GRIA4: variants seen among roughly 807,000 people sequenced by gnomAD.
The protein encoded by GRIA4 is glutamate receptor 4.
Under a neutral mutation model 104.0 loss-of-function variants are expected in GRIA4, and 34 were observed. The observed-to-expected ratio is 0.33, with a 90% confidence interval of 0.25 to 0.44. The LOEUF (loss-of-function observed/expected upper bound fraction) is 0.44, where lower values mean the gene tolerates loss of function less well. GRIA4 is among the 20% of genes least tolerant of loss of function. GRIA4 has a pLI of 1.00. For synonymous variants in GRIA4, 386 were observed against 381.9 expected (o/e 1.01, Z -0.13); for missense variants, 750 against 1,096.5 (o/e 0.68, Z 4.46).
intron 3 of GRIA4, among the ~76,000 whole-genome samples, chr11:105,719,102 C>A (rs898997779): frequency 6.6e-6 from 1 of 152,058 alleles, no homozygotes; most frequent in Admixed American, 6.6e-5. Flanking sequence ...GTGTTGATTT[C>A]TAGAATGGAC....
intron 4 of GRIA4, among the ~76,000 whole-genome samples, chr11:105,804,800 T>G (rs974020304): frequency 1.3e-5 from 2 of 152,016 alleles, no homozygotes; most frequent in Admixed American, 6.6e-5. Flanking sequence ...AAACTATTTC[T>G]GTATGAAAGC....
intron 3 of GRIA4, among the ~76,000 whole-genome samples, chr11:105,649,262 A>G (rs958505373): frequency 2.0e-4 from 30 of 152,304 alleles, no homozygotes; most frequent in Middle Eastern, 3.4e-3. Flanking sequence ...TAAAGGTATA[A>G]TATATTTTAA....
At chr11:105,901,629 C>A (rs1014953551) in intron 7 of GRIA4, among the ~76,000 whole-genome samples, 2 of 152,024 alleles carry the variant, frequency 1.3e-5, no homozygotes, top group African/African-American at 4.8e-5. Context: ...TTTTTCTTTC[C>A]GTCTATCAGC....
rs1859235290 is a variant in GRIA4 at position 105,981,166 on chromosome 11, G to T, written c.*1427G>T. The T allele has an allele frequency of 6.6e-6, 1 of 152,564 alleles. No homozygotes were observed. The highest frequency in any genetic ancestry group is 2.1e-4 in the South Asian group (1 of 4,834). 9.5% of individuals were successfully genotyped at this position (152,564 alleles called of 1,614,324 possible). A position where few individuals can be genotyped will look rare whatever the true frequency, so the allele number is the denominator to read the frequency against. On this transcript the variant is annotated 3_prime_UTR_variant, in exon 17 of 17. Transcript: ENST00000282499. ...TATTTATAAAAATCACCTTATGTATGAATTAAACTAACATGGTTCAAAAGA... is the reference window on the plus strand; with the variant it reads ...TATTTATAAAAATCACCTTATGTATTAATTAAACTAACATGGTTCAAAAGA...
intron 4 of GRIA4, among the ~76,000 whole-genome samples, chr11:105,793,310 T>C (rs1264657701): frequency 2.6e-5 from 4 of 152,080 alleles, no homozygotes; most frequent in African/African-American, 7.2e-5. Context: ...ACAGGGATAC[T>C]ACACAGACCC....
chr11:105,762,887 G>A (rs1255295862), intron 4 of GRIA4, among the ~76,000 whole-genome samples: 1 of 152,148 alleles, frequency 6.6e-6, no homozygotes, highest in Non-Finnish European at 1.5e-5. Flanking sequence ...AGCAGCGTGA[G>A]AACAGGCTAA....
chr11:105,622,913 C>G (rs565102003), intron 3 of GRIA4, among the ~76,000 whole-genome samples: 2 of 151,736 alleles, frequency 1.3e-5, no homozygotes, highest in Admixed American at 1.3e-4. Flanking sequence ...TTGCTTAGCT[C>G]CCACTTATAA....
chr11:105,613,712 T>A lies in GRIA4; in HGVS notation c.247+1278T>A, dbSNP rs184313477. ...GATAAAATTTTCTTAATTTTTGGTG[T>A]CTCTTTAACCGTTAATTCTTTTTAG... is the stretch of plus-strand genomic sequence containing the variant. On this transcript the variant is annotated intron_variant, in intron 3 of 16. Coordinates refer to ENST00000282499, the MANE Select transcript of GRIA4 (RefSeq NM_000829.4). 197 of 152,240 alleles carry A rather than the reference T, an allele frequency of 1.3e-3. 1 individual carries two copies. The highest frequency in any genetic ancestry group is 4.6e-3 in the African/African-American group (191 of 41,572). 9.4% of individuals were successfully genotyped at this position (152,240 alleles called of 1,614,324 possible).
At chr11:105,866,340 A>G (rs1225728545) in intron 5 of GRIA4, among the ~76,000 whole-genome samples, 1 of 151,864 alleles carries the variant, frequency 6.6e-6, no homozygotes, top group Non-Finnish European at 1.5e-5. Context: ...TACCTTGAAA[A>G]GAAGCGTGTA....
intron 6 of GRIA4, 84 bp downstream of exon 6, chr11:105,887,656 A>C: frequency 1.4e-6 from 1 of 727,590 alleles, no homozygotes; most frequent in Admixed American, 2.2e-5. Flanking sequence ...TAATGCTTCA[A>C]TAAATAGAGT....
At chr11:105,905,174 G>A (rs375697154) in intron 8 of GRIA4, 23 bp from the exon 9 acceptor site, 38 of 1,283,378 alleles carry the variant, frequency 3.0e-5, no homozygotes, top group South Asian at 1.7e-4. Flanking sequence ...AAGTGAACAC[G>A]TGTGGTTTTC....
At chr11:105,738,932 A>C (rs1167800701) in intron 3 of GRIA4, among the ~76,000 whole-genome samples, 3 of 77,746 alleles carry the variant, frequency 3.9e-5, no homozygotes, top group Non-Finnish European at 1.0e-4. Context: ...AAAAAAAACA[A>C]AAAAAAAAAA....
intron 10 of GRIA4, among the ~76,000 whole-genome samples, chr11:105,916,895 T>C (rs982782740): frequency 1.3e-5 from 2 of 152,206 alleles, no homozygotes; most frequent in African/African-American, 4.8e-5. Flanking sequence ...TTTAAGCATT[T>C]TGCATATATG....
intron 4 of GRIA4, among the ~76,000 whole-genome samples, chr11:105,770,958 A>G (rs777694446): frequency 5.9e-5 from 9 of 151,880 alleles, no homozygotes; most frequent in Non-Finnish European, 4.4e-5. Context: ...ATGAGACCAT[A>G]TTTTCTTTCA....
intron 3 of GRIA4, among the ~76,000 whole-genome samples, chr11:105,689,523 T>C (rs1234041785): frequency 2.6e-5 from 4 of 152,208 alleles, no homozygotes; most frequent in Admixed American, 6.5e-5. Context: ...GCCAGCAATG[T>C]ACTTCTCTAT....
intron 3 of GRIA4, among the ~76,000 whole-genome samples, chr11:105,685,502 T>C (rs992832203): frequency 2.6e-5 from 4 of 152,198 alleles, no homozygotes; most frequent in African/African-American, 9.6e-5. Flanking sequence ...ATCAGCACTT[T>C]CATGTAATTC....
chr11:105,805,975 A>T, intron 4 of GRIA4, among the ~76,000 whole-genome samples: 1 of 151,882 alleles, frequency 6.6e-6, no homozygotes, highest in East Asian at 1.9e-4. Context: ...ACAACAAAGA[A>T]CCAAAGCAAT....
chr11:105,779,541 G>A (rs1357441272), intron 4 of GRIA4, among the ~76,000 whole-genome samples: 4 of 152,058 alleles, frequency 2.6e-5, no homozygotes, highest in Non-Finnish European at 5.9e-5. Flanking sequence ...ATAGTTTACC[G>A]AGTTAGTGGG....
chr11:105,792,209 A>G (rs1185456877), intron 4 of GRIA4, among the ~76,000 whole-genome samples: 2 of 152,192 alleles, frequency 1.3e-5, no homozygotes, highest in Non-Finnish European at 2.9e-5. Context: ...AGTTTGTGTA[A>G]TATGATGAAA....
Sources: gnomAD v4.1 joint callset for allele counts (sites outside exome capture counted in the v4.1 genomes callset) on GRCh38, gnomAD v4.1.1 for gene constraint, MANE v1.5 for transcripts, NCBI Gene and HGNC (gene_info 2026-07-23, HGNC 2026-07-21) for gene names.